Variants in FBXW4 observed in about 807,000 individuals in gnomAD.
The protein encoded by FBXW4 is F-box and WD repeat domain containing 4.
FBXW4 carries 40 observed loss-of-function variants against 61.8 expected under a neutral mutation model. That is an observed-to-expected ratio of 0.65 (90% CI 0.50 to 0.84). The LOEUF (loss-of-function observed/expected upper bound fraction) is 0.84. FBXW4 is among the 40% of genes least tolerant of loss of function. The pLI, the probability that FBXW4 is intolerant of heterozygous loss-of-function variation, is 0.00. For synonymous variants in FBXW4, 311 were observed against 313.8 expected, an observed-to-expected ratio of 0.99 and a Z score of 0.10; for missense variants, 672 against 753.8, an observed-to-expected ratio of 0.89 and a Z score of 1.27.
At chr10:101,637,908 A>C (rs1174165787) in intron 5 of FBXW4, among the ~76,000 whole-genome samples, 3 of 151,984 alleles carry the variant, frequency 2.0e-5, no homozygotes, top group East Asian at 1.9e-4. Context: ...CCCCAAATTA[A>C]ATATCATTTT....
At chr10:101,680,782 G>A (rs887612653) in intron 1 of FBXW4, among the ~76,000 whole-genome samples, 14 of 152,190 alleles carry the variant, frequency 9.2e-5, no homozygotes, top group African/African-American at 3.4e-4. Flanking sequence ...GTCATTAAAT[G>A]ACAGCTTATG....
At chr10:101,649,095 G>C (rs1219896589) in intron 5 of FBXW4, among the ~76,000 whole-genome samples, 1 of 152,222 alleles carries the variant, frequency 6.6e-6, no homozygotes, top group Non-Finnish European at 1.5e-5. Flanking sequence ...AATCCCCAAA[G>C]AGGCTGCTGT....
chr10:101,678,931 T>C (rs553810494), intron 1 of FBXW4, among the ~76,000 whole-genome samples: 9 of 144,592 alleles, frequency 6.2e-5, no homozygotes, highest in Non-Finnish European at 8.8e-5. Context: ...TTTATTCATA[T>C]AGAATAATTA....
chr10:101,681,971 C>T (rs987899427), intron 1 of FBXW4, among the ~76,000 whole-genome samples: 3 of 152,044 alleles, frequency 2.0e-5, no homozygotes, highest in Non-Finnish European at 4.4e-5. Context: ...TAACTAACTT[C>T]TCCAATTATC....
rs908050683 is a variant in FBXW4 at position 101,637,391 on chromosome 10, CAAAAAAAAAA to C, written c.1236-12591_1236-12582del. On this transcript the variant is annotated intron_variant, in intron 5 of 8. Coordinates refer to ENST00000331272, the MANE Select transcript of FBXW4 (RefSeq NM_022039.4). ...TGGGCGACAGAGTGAGACTCCGTCT[CAAAAAAAAAA>C]AAAAAAAAAAAAAAAGCCACCATGA... 5.4e-4 allele frequency among the ~76,000 whole-genome samples: 8 copies of C among 14,858 alleles called. No individual in the cohort carries two copies. In the East Asian group the frequency reaches 6.0e-3, roughly 11 times the overall value. 9.7% of individuals were successfully genotyped at this position (14,858 alleles called of 152,430 possible).
At chr10:101,671,817 C>G (rs1466892311) in intron 4 of FBXW4, among the ~76,000 whole-genome samples, 1 of 152,204 alleles carries the variant, frequency 6.6e-6, no homozygotes, top group Admixed American at 6.5e-5. Context: ...ACAGGAAATT[C>G]AGTTTCCATG....
At chr10:101,693,126 AC>A (rs2064629663) in intron 1 of FBXW4, among the ~76,000 whole-genome samples, 1 of 152,228 alleles carries the variant, frequency 6.6e-6, no homozygotes, top group South Asian at 2.1e-4. Flanking sequence ...CAACTTTGGT[AC>A]CTTAAATGAC....
intron 5 of FBXW4, among the ~76,000 whole-genome samples, chr10:101,649,324 C>T (rs990182163): frequency 1.3e-5 from 2 of 152,212 alleles, no homozygotes; most frequent in African/African-American, 4.8e-5. Flanking sequence ...ACAGTGCTTT[C>T]TACAATCCGG....
In FBXW4 at chr10:101,694,063, G is replaced by A. The variant is rs1479568110; in HGVS notation, c.725+318C>T. Among the ~76,000 whole-genome samples the A allele has an allele frequency of 6.6e-6, 1 of 152,168 alleles. No individual in the cohort carries two copies. The highest frequency in any genetic ancestry group is 1.5e-5 in the Non-Finnish European group (1 of 68,024). On this transcript the variant is annotated intron_variant, in intron 1 of 8. Transcript: ENST00000331272. This position sits in a 1 kb window ranked among gnomAD's most constrained non-coding sequence, Gnocchi z 6.0. ...GGCTCCTCTGGGGCGAAGGAACCGG[G>A]GCAGCTAAACCTCTGCAAAAACACA...
rs1047432490 is a variant in FBXW4, at chr10:101,634,883, GACCTA to G, written c.1236-10078_1236-10074del. Among the ~76,000 whole-genome samples the G allele has an allele frequency of 8.0e-5, 12 of 149,266 alleles. 1 individual carries two copies. Among genetic ancestry groups the G allele is most frequent in the Non-Finnish European group, 1.0e-4 (7 of 67,272 alleles). On this transcript the variant is annotated intron_variant, in intron 5 of 8. Coordinates refer to ENST00000331272, the MANE Select transcript of FBXW4 (RefSeq NM_022039.4). ...AAGCCATGAAGGTAGTGATCAGACA[GACCTA>G]ACCTACAAATAACAAAAACTTCTAC...
intron 5 of FBXW4, among the ~76,000 whole-genome samples, chr10:101,648,136 G>A (rs1589758351): frequency 6.6e-6 from 1 of 152,142 alleles, no homozygotes; most frequent in Non-Finnish European, 1.5e-5. Context: ...CCTGCGATTT[G>A]GGTTTTTTTG....
intron 4 of FBXW4, among the ~76,000 whole-genome samples, chr10:101,670,537 C>T (rs2064349406): frequency 1.3e-5 from 2 of 152,194 alleles, no homozygotes; most frequent in African/African-American, 2.4e-5. Context: ...CTGGCTCTTG[C>T]CCTAGAGCTT....
chr10:101,644,861 C>T (rs1171183850), intron 5 of FBXW4, among the ~76,000 whole-genome samples: 2 of 152,174 alleles, frequency 1.3e-5, no homozygotes, highest in African/African-American at 2.4e-5. Context: ...AGATCATACC[C>T]CCATTTGCCA....
chr10:101,624,276 A>C lies in FBXW4; in HGVS notation c.1301+469T>G, dbSNP rs189284365. Reference sequence around the variant, plus strand: ...TATTTCAAAATTAGAAAGTTAAAAAAAAAAAAAAAACCAGAATGGCAGATA... The same window carrying C: ...TATTTCAAAATTAGAAAGTTAAAAACAAAAAAAAAACCAGAATGGCAGATA... On this transcript the variant is annotated intron_variant, in intron 6 of 8. Coordinates refer to ENST00000331272, the MANE Select transcript of FBXW4 (RefSeq NM_022039.4). Among the ~76,000 whole-genome samples the C allele has an allele frequency of 9.0e-3, 1,374 of 152,330 alleles. 17 individuals are homozygous for C. Among genetic ancestry groups the C allele is most frequent in the African/African-American group, 0.031 (1,309 of 41,570 alleles).
intron 5 of FBXW4, among the ~76,000 whole-genome samples, chr10:101,653,226 C>G (rs563301924): frequency 6.6e-6 from 1 of 152,142 alleles, no homozygotes; most frequent in Non-Finnish European, 1.5e-5. Context: ...ACTGTCCCTA[C>G]GAGTCTGGTC....
intron 5 of FBXW4, chr10:101,625,062 G>C (rs1422819039): frequency 1.8e-6 from 1 of 558,142 alleles, no homozygotes; most frequent in Admixed American, 3.0e-5. Flanking sequence ...GCACAGACTA[G>C]GTTGAGTGGT....
intron 2 of FBXW4, 135 bp downstream of exon 2, chr10:101,676,206 T>C: frequency 1.9e-6 from 1 of 531,702 alleles, no homozygotes; most frequent in Admixed American, 3.0e-5. Flanking sequence ...GATGCCCCCT[T>C]TGTGTTATTC....
Position 101,694,993 on chromosome 10 carries a change from T to G in FBXW4, c.113A>C (p.Lys38Thr). ...TCTCGCTTTTCCCTTCCCCTTCCCC[T>G]TCCTTCGCTTCCCCCTCGCCACCCT... ...EGRVARGKRR[K>T]GKGKGKARAG... Residue 38 changes from lysine (K) to threonine (T), a missense_variant, in exon 1 of 9, where the codon AAG becomes ACG. Around this residue, in one of 5 missense-constraint regions of FBXW4, gnomAD observed 38 missense variants for 43.3 expected, o/e 0.88. Transcript: ENST00000331272. This position sits in a 1 kb window ranked among gnomAD's most constrained non-coding sequence, Gnocchi z 6.0. 4 of 1,107,164 alleles carry G rather than the reference T, an allele frequency of 3.6e-6. No individual in the cohort carries two copies. Among genetic ancestry groups the G allele is most frequent in the Middle Eastern group, 3.9e-4 (1 of 2,576 alleles). The allele number at this position is 1,107,164 out of a possible 1,614,324, so 68.6% of individuals were successfully genotyped here. A position where few individuals can be genotyped will look rare whatever the true frequency, so the allele number is the denominator to read the frequency against.
At chr10:101,619,690 G>A (rs1589740201) in intron 6 of FBXW4, among the ~76,000 whole-genome samples, 1 of 151,866 alleles carries the variant, frequency 6.6e-6, no homozygotes, top group East Asian at 1.9e-4. Flanking sequence ...GAAGGGGGAA[G>A]GGGACAGCCA....
Sources: allele counts gnomAD v4.1 joint callset (sites outside exome capture counted in the v4.1 genomes callset), GRCh38; gene constraint gnomAD v4.1.1; regional missense constraint gnomAD v4.1.1; non-coding constraint Gnocchi (gnomAD v3.1); transcripts MANE v1.5; gene names NCBI Gene and HGNC (gene_info 2026-07-23, HGNC 2026-07-21).